NLGN4Y: variants seen among roughly 807,000 people sequenced by gnomAD.
NLGN4Y encodes neuroligin-4, Y-linked.
In NLGN4Y, 4 loss-of-function variants were observed where a neutral mutation model predicts 8.4. That is an observed-to-expected ratio of 0.48 (90% CI 0.23 to 1.09). The LOEUF (loss-of-function observed/expected upper bound fraction) is 1.09, where lower values mean the gene tolerates loss of function less well. Ranked by LOEUF, NLGN4Y falls within the 50% of genes least tolerant of loss-of-function variation. The probability of loss-of-function intolerance (pLI) is 0.19; values close to 1 mark genes in which losing one functional copy is unlikely to be tolerated. For missense variants in NLGN4Y, 90 were observed against 192.3 expected, an observed-to-expected ratio of 0.47 and a Z score of 3.15; for synonymous variants, 35 against 75.6, an observed-to-expected ratio of 0.46 and a Z score of 2.78.
rs767712833 is a variant in NLGN4Y at position 14,803,813 on chromosome Y, C to G, written c.686-20375C>G. Among the ~76,000 whole-genome samples, 3 of 33,449 alleles carry G rather than the reference C, an allele frequency of 9.0e-5. No individual in the cohort carries two copies. In the East Asian group the frequency reaches 2.4e-3, roughly 26 times the overall value. The allele number at this position is 33,449 out of a possible 37,273, so 89.7% of individuals were successfully genotyped here. A position where few individuals can be genotyped will look rare whatever the true frequency, so the allele number is the denominator to read the frequency against. ...CTACACAATTTCAATAACCTGGTTA[C>G]AACTGATGCACTTTGGATATTGCAC... is the stretch of plus-strand genomic sequence containing the variant. On this transcript the variant is annotated intron_variant, in intron 4 of 6. Coordinates refer to ENST00000684976, the MANE Select transcript of NLGN4Y (RefSeq NM_001365588.1).
chrY:14,580,507 G>A (rs773300454), intron 1 of NLGN4Y, among the ~76,000 whole-genome samples: 2 of 32,147 alleles, frequency 6.2e-5, no homozygotes, highest in East Asian at 1.7e-3. Context: ...TGAATGGTAT[G>A]TGAATGTGAA....
At chrY:14,774,003 T>G (rs2081116645) in intron 4 of NLGN4Y, among the ~76,000 whole-genome samples, 1 of 33,300 alleles carries the variant, frequency 3.0e-5, no homozygotes, top group East Asian at 7.9e-4. Flanking sequence ...ACATTCATCA[T>G]CAACCCAAAA....
intron 4 of NLGN4Y, among the ~76,000 whole-genome samples, chrY:14,727,049 G>T: frequency 3.1e-5 from 1 of 32,238 alleles, no homozygotes; most frequent in Non-Finnish European, 7.6e-5. Context: ...CTCCACCCTG[G>T]GCTACAGAGC....
At chrY:14,643,668 A>G (rs2080599412) in intron 2 of NLGN4Y, among the ~76,000 whole-genome samples, 2 of 33,317 alleles carry the variant, frequency 6.0e-5, no homozygotes, top group Non-Finnish European at 1.5e-4. Context: ...TCCTGGGTGT[A>G]ATATGCTGTG....
chrY:14,678,373 C>T (rs780917008), intron 2 of NLGN4Y, among the ~76,000 whole-genome samples: 223 of 33,215 alleles, frequency 6.7e-3, no homozygotes, highest in Admixed American at 0.018. Context: ...GATAATAAAA[C>T]TTCTTTATTG....
chrY:14,834,697 A>T, intron 6 of NLGN4Y, among the ~76,000 whole-genome samples: 5 of 34,003 alleles, frequency 1.5e-4, no homozygotes, highest in Admixed American at 7.9e-4. Flanking sequence ...TTATTTGCTT[A>T]TTGTAAACTG....
At chrY:14,719,646 T>A in intron 3 of NLGN4Y, 128 bp downstream of exon 3, 1 of 96,274 alleles carries the variant, frequency 1.0e-5, no homozygotes, top group Admixed American at 1.9e-4. Flanking sequence ...TGTGCTTCTT[T>A]ATTTTCTTCT....
At chrY:14,539,277 C>T (rs2080141396) in intron 1 of NLGN4Y, among the ~76,000 whole-genome samples, 1 of 33,282 alleles carries the variant, frequency 3.0e-5, no homozygotes, top group African/African-American at 1.2e-4. Flanking sequence ...GGGAGGAAAT[C>T]TGCAGAGATG....
intron 4 of NLGN4Y, among the ~76,000 whole-genome samples, chrY:14,766,598 C>T (rs2081094007): frequency 3.0e-5 from 1 of 33,092 alleles, no homozygotes; most frequent in Admixed American, 2.8e-4. Flanking sequence ...TTTCCTGTTA[C>T]GTTCTGCTAT....
At chrY:14,592,932 T>C in intron 1 of NLGN4Y, among the ~76,000 whole-genome samples, 1 of 32,567 alleles carries the variant, frequency 3.1e-5, no homozygotes, top group East Asian at 8.4e-4. Flanking sequence ...GAGTAGGCCA[T>C]GGGAGGTGAG....
intron 6 of NLGN4Y, among the ~76,000 whole-genome samples, chrY:14,840,025 G>A: frequency 6.1e-5 from 2 of 33,047 alleles, no homozygotes; most frequent in Non-Finnish European, 1.5e-4. Context: ...ATACCCCTCT[G>A]GGGCAAATCA....
In NLGN4Y at chrY:14,769,279, A is replaced by C. The variant is rs771555023; in HGVS notation, c.685+46010A>C. Among the ~76,000 whole-genome samples, 9 of 33,937 alleles carry C rather than the reference A, an allele frequency of 2.7e-4. No individual in the cohort carries two copies. The South Asian group carries it at 3.3e-3, about 12-fold the overall frequency. 91.0% of individuals were successfully genotyped at this position (33,937 alleles called of 37,273 possible). A position where few individuals can be genotyped will look rare whatever the true frequency, so the allele number is the denominator to read the frequency against. ...AAACTAAACTCTAATGATGGAATTA[A>C]ATTTATTTTATATTGAGTAAAAGTT... On this transcript the variant is annotated intron_variant, in intron 4 of 6. Coordinates refer to ENST00000684976, the MANE Select transcript of NLGN4Y (RefSeq NM_001365588.1).
At chrY:14,744,677 A>T (rs1027601377) in intron 4 of NLGN4Y, among the ~76,000 whole-genome samples, 13 of 33,989 alleles carry the variant, frequency 3.8e-4, no homozygotes, top group Non-Finnish European at 7.3e-4. Context: ...TGCTTTAGTC[A>T]TGTGGGTTCA....
chrY:14,648,462 A>G, intron 2 of NLGN4Y, among the ~76,000 whole-genome samples: 1 of 33,222 alleles, frequency 3.0e-5, no homozygotes, highest in Non-Finnish European at 7.4e-5. Flanking sequence ...CAAGAAATAA[A>G]AAAATAAAAT....
intron 4 of NLGN4Y, among the ~76,000 whole-genome samples, chrY:14,741,826 A>G (rs2081006880): frequency 2.9e-5 from 1 of 33,954 alleles, no homozygotes. Context: ...ATAATCTACT[A>G]TGCCTTGGTT....
At chrY:14,777,704 G>C (rs748743292) in intron 4 of NLGN4Y, among the ~76,000 whole-genome samples, 1 of 29,853 alleles carries the variant, frequency 3.3e-5, no homozygotes, top group Admixed American at 3.3e-4. Flanking sequence ...AAATTGCCGT[G>C]GTTCATGGAG....
At chrY:14,550,671 A>G (rs200608885) in intron 1 of NLGN4Y, among the ~76,000 whole-genome samples, 1 of 33,757 alleles carries the variant, frequency 3.0e-5, no homozygotes, top group East Asian at 7.8e-4. Flanking sequence ...CTGGGTTGAA[A>G]ATCCTTTTCT....
At chrY:14,626,280 G>T in intron 2 of NLGN4Y, among the ~76,000 whole-genome samples, 3 of 33,612 alleles carry the variant, frequency 8.9e-5, no homozygotes, top group Non-Finnish European at 1.5e-4. Context: ...GAATGAAGCT[G>T]CAGACCTTCG....
At chrY:14,638,815 A>G (rs2080577853) in intron 2 of NLGN4Y, among the ~76,000 whole-genome samples, 1 of 33,876 alleles carries the variant, frequency 3.0e-5, no homozygotes, top group Non-Finnish European at 7.3e-5. Flanking sequence ...GACAGACCAC[A>G]TTATTGGTAA....
Sources: gnomAD v4.1 joint callset for allele counts (sites outside exome capture counted in the v4.1 genomes callset) on GRCh38, gnomAD v4.1.1 for gene constraint, MANE v1.5 for transcripts, NCBI Gene and HGNC (gene_info 2026-07-23, HGNC 2026-07-21) for gene names.